Variants in AP3B1 observed in about 807,000 individuals in gnomAD.
AP3B1 encodes AP-3 complex subunit beta-1.
In AP3B1, 61 loss-of-function variants were observed where a neutral mutation model predicts 132.5. The ratio of observed to expected loss-of-function variants is 0.46; its 90% confidence interval spans 0.37 to 0.57. AP3B1 has a LOEUF of 0.57. Ranked by LOEUF, AP3B1 falls within the 20% of genes least tolerant of loss-of-function variation. AP3B1 has a pLI of 0.00. For synonymous variants in AP3B1, 388 were observed against 438.3 expected, an observed-to-expected ratio of 0.89 and a Z score of 1.43; for missense variants, 1,120 against 1,289.4, an observed-to-expected ratio of 0.87 and a Z score of 2.01.
chr5:78,185,152 T>C (rs1171367830), intron 7 of AP3B1, among the ~76,000 whole-genome samples: 1 of 152,066 alleles, frequency 6.6e-6, no homozygotes, highest in Non-Finnish European at 1.5e-5. Context: ...AATCAAGACA[T>C]TTTCAGATAA....
chr5:78,145,387 G>A (rs938715260), intron 14 of AP3B1, among the ~76,000 whole-genome samples: 3 of 152,150 alleles, frequency 2.0e-5, no homozygotes, highest in African/African-American at 7.2e-5. Flanking sequence ...GACATATGAG[G>A]AAACTAGGTA....
At chr5:78,015,291 T>C (rs1746809685) in intron 26 of AP3B1, 119 bp downstream of exon 26, 2 of 1,060,946 alleles carry the variant, frequency 1.9e-6, no homozygotes, top group Non-Finnish European at 2.7e-6. Context: ...AAAGGGAGTG[T>C]GTGTATATAT....
intron 19 of AP3B1, among the ~76,000 whole-genome samples, chr5:78,112,312 C>G (rs565729557): frequency 6.6e-6 from 1 of 152,024 alleles, no homozygotes; most frequent in African/African-American, 2.4e-5. Context: ...TGTTGTTTTT[C>G]CCTGGCAAAA....
chr5:78,285,814 T>C (rs368712977), intron 1 of AP3B1, among the ~76,000 whole-genome samples: 33 of 152,336 alleles, frequency 2.2e-4, no homozygotes, highest in African/African-American at 5.5e-4. Context: ...GCAAATCTCA[T>C]TGGCTCTACC....
At chr5:78,069,524 C>T (rs559793304) in intron 22 of AP3B1, among the ~76,000 whole-genome samples, 8 of 152,208 alleles carry the variant, frequency 5.3e-5, no homozygotes, top group Non-Finnish European at 8.8e-5. Flanking sequence ...GAGTAAAATA[C>T]CTATGAATAT....
chr5:78,047,351 TCTC>T (rs1348895867), intron 22 of AP3B1, among the ~76,000 whole-genome samples: 1 of 152,186 alleles, frequency 6.6e-6, no homozygotes, highest in Non-Finnish European at 1.5e-5. Context: ...CTCCACATCC[TCTC>T]CAGCATCTGT....
At chr5:78,252,826 C>A (rs1009978187) in intron 2 of AP3B1, among the ~76,000 whole-genome samples, 2 of 152,228 alleles carry the variant, frequency 1.3e-5, no homozygotes, top group African/African-American at 4.8e-5. Context: ...GGGAAGGACA[C>A]AGGCCTGGTT....
chr5:78,242,845 T>C (rs1220602365), intron 2 of AP3B1, among the ~76,000 whole-genome samples: 1 of 152,248 alleles, frequency 6.6e-6, no homozygotes, highest in Non-Finnish European at 1.5e-5. Flanking sequence ...TTATATCTTT[T>C]AAAAGTCCAG....
intron 2 of AP3B1, among the ~76,000 whole-genome samples, chr5:78,264,526 T>C (rs1288869417): frequency 1.3e-5 from 2 of 152,184 alleles, no homozygotes; most frequent in Admixed American, 6.6e-5. Context: ...AGGTGTCACA[T>C]CACCAGTAAA....
At chr5:78,089,938 C>T (rs1305052825) in intron 21 of AP3B1, among the ~76,000 whole-genome samples, 3 of 152,182 alleles carry the variant, frequency 2.0e-5, no homozygotes, top group Non-Finnish European at 4.4e-5. Flanking sequence ...TCTAATCAGG[C>T]TACCTAATTC....
chr5:78,149,185 G>A (rs1012261722), intron 14 of AP3B1, among the ~76,000 whole-genome samples: 9 of 152,050 alleles, frequency 5.9e-5, no homozygotes, highest in South Asian at 2.1e-4. Flanking sequence ...AAAAAGGACC[G>A]GTGACAATTT....
chr5:78,069,930 A>T (rs966848871), intron 22 of AP3B1, among the ~76,000 whole-genome samples: 2 of 152,166 alleles, frequency 1.3e-5, no homozygotes, highest in Non-Finnish European at 2.9e-5. Flanking sequence ...AAAATGGAGA[A>T]CTCAGAAATA....
At chr5:78,246,780 C>T (rs1747396690) in intron 2 of AP3B1, among the ~76,000 whole-genome samples, 1 of 152,044 alleles carries the variant, frequency 6.6e-6, no homozygotes, top group South Asian at 2.1e-4. Flanking sequence ...TTTTTCATTT[C>T]ACTGATTTTA....
At chr5:78,072,534 T>G (rs1749583123) in intron 22 of AP3B1, among the ~76,000 whole-genome samples, 1 of 152,022 alleles carries the variant, frequency 6.6e-6, no homozygotes, top group African/African-American at 2.4e-5. Flanking sequence ...GGGGGGAGTA[T>G]TATTTGTACA....
chr5:78,113,679 A>G (rs775549555), intron 19 of AP3B1, 73 bp downstream of exon 19: 131 of 1,548,256 alleles, frequency 8.5e-5, no homozygotes, highest in Non-Finnish European at 1.1e-4. Context: ...TTTTTGATTA[A>G]TAAGAAACAT....
intron 24 of AP3B1, 92 bp from the exon 25 acceptor site, chr5:78,020,881 A>AGCAT (rs1580247538): frequency 9.7e-7 from 1 of 1,026,964 alleles, no homozygotes; most frequent in East Asian, 2.5e-5. Flanking sequence ...AGCCTATGCT[A>AGCAT]GCATATACAG....
rs561925665 is a variant in AP3B1, at chr5:78,175,574, T to A, written c.1167+52A>T. The A allele has an allele frequency of 2.8e-6, 4 of 1,411,058 alleles. No individual in the cohort carries two copies. In the South Asian group the frequency reaches 3.5e-5, roughly 12 times the overall value. The allele number at this position is 1,411,058 out of a possible 1,614,324, so 87.4% of individuals were successfully genotyped here. A position where few individuals can be genotyped will look rare whatever the true frequency, so the allele number is the denominator to read the frequency against. ...ACAGGTGCTAAAAGCTATAGAAATA[T>A]CTCTTCAAAACAAATGTGTTAAAAG... On this transcript the variant is annotated intron_variant, in intron 11 of 26. Coordinates refer to ENST00000255194, the MANE Select transcript of AP3B1 (RefSeq NM_003664.5).
At chr5:78,244,712 T>A (rs1747299452) in intron 2 of AP3B1, among the ~76,000 whole-genome samples, 1 of 151,814 alleles carries the variant, frequency 6.6e-6, no homozygotes, top group African/African-American at 2.4e-5. Flanking sequence ...AAGTAGAAAT[T>A]GTGGCCAGGT....
intron 24 of AP3B1, among the ~76,000 whole-genome samples, chr5:78,025,470 A>T (rs1747305368): frequency 6.6e-6 from 1 of 152,214 alleles, no homozygotes; most frequent in Admixed American, 6.5e-5. Flanking sequence ...CCTCTCTTGT[A>T]GCTAAGAGTG....
Sources: gnomAD v4.1 joint callset for allele counts (sites outside exome capture counted in the v4.1 genomes callset) on GRCh38, gnomAD v4.1.1 for gene constraint, MANE v1.5 for transcripts, NCBI Gene and HGNC (gene_info 2026-07-23, HGNC 2026-07-21) for gene names.